The following TMEM41B variants were observed in gnomAD, a reference collection of about 807,000 sequenced individuals.
The protein encoded by TMEM41B is protein stasimon.
In TMEM41B, 18 loss-of-function variants were observed where a neutral mutation model predicts 31.9. The observed-to-expected ratio is 0.56, with a 90% confidence interval of 0.39 to 0.84. The LOEUF is 0.84. Among genes scored for constraint, TMEM41B ranks in the 40% least tolerant of loss-of-function variants. The probability of loss-of-function intolerance (pLI) is 0.00; values close to 1 mark genes in which losing one functional copy is unlikely to be tolerated. For missense variants in TMEM41B, 322 were observed against 348.0 expected (o/e 0.93, Z 0.59); for synonymous variants, 144 against 124.3 (o/e 1.16, Z -1.05).
chr11:9,297,414 C>T (rs2133627520), intron 2 of TMEM41B, among the ~76,000 whole-genome samples: 1 of 152,272 alleles, frequency 6.6e-6, no homozygotes, highest in East Asian at 1.9e-4. Context: ...TTTTTATAGG[C>T]TGGGCGCAGT....
intron 1 of TMEM41B, chr11:9,311,192 C>T (rs914315740): frequency 8.2e-5 from 114 of 1,388,676 alleles, no homozygotes; most frequent in Admixed American, 1.8e-4. Context: ...AGCACAAGGG[C>T]TACTTTCCCC....
At chr11:9,303,963 C>T (rs770400414) in intron 1 of TMEM41B, among the ~76,000 whole-genome samples, 4 of 152,138 alleles carry the variant, frequency 2.6e-5, no homozygotes, top group African/African-American at 7.2e-5. Context: ...CCACCACGCC[C>T]GGCCTCCAAT....
rs1392519126 is a variant in TMEM41B at position 9,302,197 on chromosome 11, G to T, written c.122-2496C>A. 3.1e-5 allele frequency among the ~76,000 whole-genome samples: 3 copies of T among 97,482 alleles called. 1 individual carries two copies. The highest frequency in any genetic ancestry group is 3.0e-4 in the Admixed American group (3 of 10,150). The allele number at this position is 97,482 out of a possible 152,430, so 64.0% of individuals were successfully genotyped here. A position where few individuals can be genotyped will look rare whatever the true frequency, so the allele number is the denominator to read the frequency against. ...AATTTTTTTTTGTATTTTTAGTAGGGATGGGGTTTCACCATGTTAGCCAGG... is the reference window on the plus strand; with the variant it reads ...AATTTTTTTTTGTATTTTTAGTAGGTATGGGGTTTCACCATGTTAGCCAGG... On this transcript the variant is annotated intron_variant, in intron 1 of 6. Transcript: ENST00000528080.
At chr11:9,293,038 C>A (rs4910448) in intron 3 of TMEM41B, among the ~76,000 whole-genome samples, 145,834 of 152,248 alleles carry the variant, frequency 0.96, 70,168 homozygotes, top group East Asian at 1. Flanking sequence ...ACTTGGTTCT[C>A]AAGTCAAACC....
chr11:9,284,695 G>A lies in TMEM41B; in HGVS notation c.707-1102C>T, dbSNP rs1011759970. 5.9e-5 allele frequency among the ~76,000 whole-genome samples: 9 copies of A among 152,044 alleles called. No individual in the cohort carries two copies. In the East Asian group the frequency reaches 1.2e-3, roughly 20 times the overall value. On this transcript the variant is annotated intron_variant, in intron 6 of 6. Transcript: ENST00000528080. The stretch of plus-strand genomic sequence containing the variant: ...AAAGAATCACTTGAACCCAGGAGGC[G>A]GAGGTTGCAATGAGCTGAGATCACG...
intron 3 of TMEM41B, among the ~76,000 whole-genome samples, chr11:9,291,563 A>G (rs932356584): frequency 8.0e-5 from 12 of 150,522 alleles, no homozygotes; most frequent in Admixed American, 2.6e-4. Context: ...CATCGCGCCC[A>G]GCTAATTTTT....
chr11:9,290,495 C>T (rs904528121), intron 3 of TMEM41B, among the ~76,000 whole-genome samples: 1 of 151,450 alleles, frequency 6.6e-6, no homozygotes, highest in Non-Finnish European at 1.5e-5. Context: ...CACACATATA[C>T]GTATGTAACA....
intron 2 of TMEM41B, among the ~76,000 whole-genome samples, chr11:9,297,950 A>G (rs1231022037): frequency 6.7e-6 from 1 of 150,286 alleles, no homozygotes; most frequent in East Asian, 2.0e-4. Flanking sequence ...CTGTACTCCT[A>G]CCTACTCGGG....
At chr11:9,287,454 T>A (rs996343198) in intron 5 of TMEM41B, among the ~76,000 whole-genome samples, 8 of 152,234 alleles carry the variant, frequency 5.3e-5, no homozygotes, top group Admixed American at 2.0e-4. Flanking sequence ...TCTCTGCTGA[T>A]TAAATTTACT....
chr11:9,281,314 T>C lies in TMEM41B; in HGVS notation c.*2110A>G, dbSNP rs962407638. On this transcript the variant is annotated 3_prime_UTR_variant, in exon 7 of 7. Coordinates refer to ENST00000528080, the MANE Select transcript of TMEM41B (RefSeq NM_015012.4). Reference sequence around the variant, plus strand: ...AACAAAAGATGTATCAGTCAGTCTCTGGGCAATAAGAAAGGAAGAAAGCCT... The same window carrying C: ...AACAAAAGATGTATCAGTCAGTCTCCGGGCAATAAGAAAGGAAGAAAGCCT... 2.6e-5 allele frequency: 4 copies of C among 152,218 alleles called. No homozygotes were observed. The highest frequency in any genetic ancestry group is 4.4e-5 in the Non-Finnish European group (3 of 68,038). 9.4% of individuals were successfully genotyped at this position (152,218 alleles called of 1,614,324 possible).
chr11:9,288,840 T>G (rs988752394), intron 3 of TMEM41B, among the ~76,000 whole-genome samples: 2 of 152,212 alleles, frequency 1.3e-5, no homozygotes, highest in Non-Finnish European at 2.9e-5. Context: ...CTAATACATT[T>G]TATTTTACTC....
At chr11:9,308,078 G>A (rs1853445242) in intron 1 of TMEM41B, among the ~76,000 whole-genome samples, 1 of 152,130 alleles carries the variant, frequency 6.6e-6, no homozygotes, top group African/African-American at 2.4e-5. Flanking sequence ...GAGACACAGT[G>A]GCTCACACAT....
chr11:9,299,821 A>G (rs1365662043), intron 1 of TMEM41B, 120 bp from the exon 2 acceptor site: 1 of 787,280 alleles, frequency 1.3e-6, no homozygotes. Context: ...ATGATGTGAC[A>G]TTAAATTTAA....
intron 1 of TMEM41B, among the ~76,000 whole-genome samples, chr11:9,305,150 T>A (rs75445408): frequency 1.3e-5 from 2 of 152,132 alleles, no homozygotes; most frequent in Non-Finnish European, 2.9e-5. Flanking sequence ...TTTTTCTATA[T>A]ATTTTTATTC....
In TMEM41B at chr11:9,282,940, G is replaced by GAAAAAAAAAAAAAAAAAAAAAAAAAAAAA. The variant is rs56313114; in HGVS notation, c.*483_*484insTTTTTTTTTTTTTTTTTTTTTTTTTTTTT. 1 of 92,602 alleles carries GAAAAAAAAAAAAAAAAAAAAAAAAAAAAA rather than the reference G, an allele frequency of 1.1e-5. No individual in the cohort carries two copies. Among genetic ancestry groups the GAAAAAAAAAAAAAAAAAAAAAAAAAAAAA allele is most frequent in the Non-Finnish European group, 2.1e-5 (1 of 46,898 alleles). 5.7% of individuals were successfully genotyped at this position (92,602 alleles called of 1,614,324 possible). On this transcript the variant is annotated 3_prime_UTR_variant, in exon 7 of 7. Transcript: ENST00000528080. ...CAGAGCTAGACTCCGTCTCAAAACA[G>GAAAAAAAAAAAAAAAAAAAAAAAAAAAAA]AAAAAAAAAAAAAAAAAAAAAGAGG... is the stretch of plus-strand genomic sequence containing the variant.
At chr11:9,299,478 C>T (rs11548953) in intron 2 of TMEM41B, 106 bp downstream of exon 2, 2 of 766,004 alleles carry the variant, frequency 2.6e-6, no homozygotes, top group Non-Finnish European at 4.3e-6. Flanking sequence ...CCACCTCGGC[C>T]TCCCAAAGTG....
chr11:9,304,946 A>G (rs7101987), intron 1 of TMEM41B, among the ~76,000 whole-genome samples: 2,374 of 151,830 alleles, frequency 0.016, 60 homozygotes, highest in African/African-American at 0.053. Context: ...GTGAGCCACC[A>G]CGCCCAGCAA....
chr11:9,305,655 G>GGTATGCTACTTTTAAATCCATCTAAAA (rs1279248159), intron 1 of TMEM41B, among the ~76,000 whole-genome samples: 3 of 152,006 alleles, frequency 2.0e-5, no homozygotes, highest in Non-Finnish European at 4.4e-5. Context: ...ACTTCTTAAA[G>GGTATGCTACTTTTAAATCCATCTAAAA]GTATGCTACT....
chr11:9,286,441 A>T lies in TMEM41B; in HGVS notation c.706+14T>A. On this transcript the variant is annotated intron_variant, in intron 6 of 6. Transcript: ENST00000528080. The stretch of plus-strand genomic sequence containing the variant: ...CACAGTGAGCTCATACACAGCAAGA[A>T]CCAGAGGGCTTACCTAGAAAAGTAC... 6.2e-7 allele frequency: 1 copy of T among 1,604,840 alleles called. No homozygotes were observed. Among genetic ancestry groups the T allele is most frequent in the South Asian group, 1.1e-5 (1 of 89,454 alleles).
Sources: gnomAD v4.1 joint callset for allele counts (sites outside exome capture counted in the v4.1 genomes callset) on GRCh38, gnomAD v4.1.1 for gene constraint, MANE v1.5 for transcripts, NCBI Gene and HGNC (gene_info 2026-07-23, HGNC 2026-07-21) for gene names.